The following LRMDA variants were observed in gnomAD, a reference collection of about 807,000 sequenced individuals.
LRMDA encodes the protein leucine rich melanocyte differentiation associated, also known as leucine-rich melanocyte differentiation-associated protein.
A neutral mutation model predicts 29.8 loss-of-function variants in LRMDA; 18 were observed. That is an observed-to-expected ratio of 0.60 (90% CI 0.42 to 0.90). The LOEUF is 0.90. Among genes scored for constraint, LRMDA ranks in the 40% least tolerant of loss-of-function variants. The pLI is 0.00. For synonymous variants in LRMDA, 125 were observed against 109.4 expected, an observed-to-expected ratio of 1.14 and a Z score of -0.89; for missense variants, 273 against 273.9, an observed-to-expected ratio of 1.00 and a Z score of 0.02.
At chr10:75,511,488 C>T (rs1231813491) in intron 2 of LRMDA, among the ~76,000 whole-genome samples, 2 of 152,164 alleles carry the variant, frequency 1.3e-5, no homozygotes, top group African/African-American at 2.4e-5. Flanking sequence ...TACCTTCCTG[C>T]TCTTACTGGG....
At chr10:76,056,697 A>G (rs1399751087) in intron 4 of LRMDA, among the ~76,000 whole-genome samples, 1 of 152,184 alleles carries the variant, frequency 6.6e-6, no homozygotes, top group Non-Finnish European at 1.5e-5. Context: ...CTTTGCTCCA[A>G]AATTGGAGTG....
At chr10:75,727,134 G>A (rs75901359) in intron 2 of LRMDA, among the ~76,000 whole-genome samples, 3,012 of 152,230 alleles carry the variant, frequency 0.02, 93 homozygotes, top group African/African-American at 0.068. Context: ...CAATGTCCCT[G>A]GCGTTCGGGT....
At chr10:75,578,394 T>G (rs1213459596) in intron 2 of LRMDA, among the ~76,000 whole-genome samples, 1 of 151,726 alleles carries the variant, frequency 6.6e-6, no homozygotes, top group African/African-American at 2.4e-5. Context: ...AGCCCCCAGA[T>G]TCATAAAGCA....
At chr10:76,229,121 C>T (rs372437522) in intron 5 of LRMDA, among the ~76,000 whole-genome samples, 52 of 152,216 alleles carry the variant, frequency 3.4e-4, no homozygotes, top group Middle Eastern at 3.4e-3. Context: ...CAATGGAATG[C>T]GAAGGTTTGG....
chr10:75,830,169 G>A (rs1332606214), intron 2 of LRMDA, among the ~76,000 whole-genome samples: 1 of 152,128 alleles, frequency 6.6e-6, no homozygotes. Flanking sequence ...CCTCCCTTGA[G>A]GGGCTGTTGT....
chr10:76,526,743 A>G (rs1329997698), intron 6 of LRMDA, among the ~76,000 whole-genome samples: 1 of 149,044 alleles, frequency 6.7e-6, no homozygotes, highest in Non-Finnish European at 1.5e-5. Flanking sequence ...CCATTACACT[A>G]AGAAGAGGTG....
chr10:76,089,511 T>C (rs1898074), intron 5 of LRMDA, among the ~76,000 whole-genome samples: 64,039 of 152,094 alleles, frequency 0.42, 14,005 homozygotes, highest in Non-Finnish European at 0.44. Context: ...TATGCAGGCT[T>C]GGAATCATGG....
intron 5 of LRMDA, among the ~76,000 whole-genome samples, chr10:76,258,294 C>T (rs1374623046): frequency 1.3e-5 from 2 of 152,028 alleles, no homozygotes; most frequent in Non-Finnish European, 2.9e-5. Flanking sequence ...TTATGTAGTT[C>T]ATGTAGCCTT....
intron 2 of LRMDA, among the ~76,000 whole-genome samples, chr10:75,662,148 T>C (rs1040990733): frequency 7.9e-5 from 12 of 152,124 alleles, no homozygotes; most frequent in Non-Finnish European, 1.5e-4. Context: ...GAGTTTTCCA[T>C]TCATTGTCAT....
chr10:75,855,818 T>G (rs760632251), intron 2 of LRMDA, among the ~76,000 whole-genome samples: 16 of 152,318 alleles, frequency 1.1e-4, no homozygotes, highest in Non-Finnish European at 2.2e-4. Context: ...TTATTAAATA[T>G]GGAATCGTTT....
intron 3 of LRMDA, among the ~76,000 whole-genome samples, chr10:76,041,722 C>T (rs536807030): frequency 3.4e-4 from 51 of 152,172 alleles, no homozygotes; most frequent in African/African-American, 1.2e-3. Context: ...GATCTTGGGC[C>T]CTCTGCAGAA....
chr10:75,907,338 A>G (rs543392015), intron 2 of LRMDA, among the ~76,000 whole-genome samples: 4 of 152,286 alleles, frequency 2.6e-5, no homozygotes, highest in African/African-American at 7.2e-5. Flanking sequence ...GTGTAATTTG[A>G]TATTCATTAG....
chr10:76,056,456 G>T (rs530900011), intron 4 of LRMDA, among the ~76,000 whole-genome samples: 1 of 152,188 alleles, frequency 6.6e-6, no homozygotes, highest in South Asian at 2.1e-4. Context: ...GCCTCCTGCT[G>T]CCAGCCATCA....
intron 2 of LRMDA, among the ~76,000 whole-genome samples, chr10:75,618,243 ACT>A (rs1841129300): frequency 9.6e-6 from 1 of 104,616 alleles, no homozygotes; most frequent in Non-Finnish European, 2.5e-5. Flanking sequence ...ACAAAATAAC[ACT>A]GTAAAAGTGA....
At chr10:75,976,190 C>T (rs888638868) in intron 2 of LRMDA, among the ~76,000 whole-genome samples, 1 of 152,260 alleles carries the variant, frequency 6.6e-6, no homozygotes, top group Non-Finnish European at 1.5e-5. Context: ...ACTCTCTCTA[C>T]TCTGTACATG....
At chr10:75,545,597 A>C (rs1227923360) in intron 2 of LRMDA, among the ~76,000 whole-genome samples, 5 of 152,154 alleles carry the variant, frequency 3.3e-5, no homozygotes, top group Non-Finnish European at 7.4e-5. Context: ...GCCGTCCTAA[A>C]GGTGGTGACA....
At chr10:75,457,346 C>T (rs1803982658) in intron 2 of LRMDA, among the ~76,000 whole-genome samples, 1 of 152,142 alleles carries the variant, frequency 6.6e-6, no homozygotes, top group African/African-American at 2.4e-5. Flanking sequence ...AATTGTCTTC[C>T]AGGCTCATGA....
Position 76,367,300 on chromosome 10 carries a change from A to G in LRMDA, c.601+42815A>G, listed in dbSNP as rs183528078. ...ATTTGAGAGGGTTCCTTCTTTCTCT[A>G]TCTTGTGGAATAGTGTCAAAAGGAT... On this transcript the variant is annotated intron_variant, in intron 6 of 6. Transcript: ENST00000611255. Among the ~76,000 whole-genome samples the G allele has an allele frequency of 8.5e-5, 13 of 152,240 alleles. No individual in the cohort carries two copies. In the East Asian group the frequency reaches 1.5e-3, roughly 18 times the overall value.
chr10:75,884,472 G>A (rs1298536846), intron 2 of LRMDA, among the ~76,000 whole-genome samples: 1 of 152,128 alleles, frequency 6.6e-6, no homozygotes, highest in Non-Finnish European at 1.5e-5. Context: ...TTCAAGGATG[G>A]CACCAAGTGA....
Sources: gnomAD v4.1 joint callset for allele counts (sites outside exome capture counted in the v4.1 genomes callset) on GRCh38, gnomAD v4.1.1 for gene constraint, MANE v1.5 for transcripts, NCBI Gene and HGNC (gene_info 2026-07-23, HGNC 2026-07-21) for gene names.